The following C12orf42 variants were observed in gnomAD, a reference collection of about 807,000 sequenced individuals.
C12orf42 encodes the protein chromosome 12 open reading frame 42, also known as uncharacterized protein C12orf42.
Under a neutral mutation model 21.6 loss-of-function variants are expected in C12orf42, and 25 were observed. The ratio of observed to expected loss-of-function variants is 1.16; its 90% CI spans 0.84 to 1.62. C12orf42 has a LOEUF of 1.62. C12orf42 is among the 40% of genes most tolerant of loss of function. The pLI is 0.00. For missense variants in C12orf42, 483 were observed against 459.3 expected (o/e 1.05, Z -0.47); for synonymous variants, 174 against 175.0 (o/e 0.99, Z 0.05).
intron 3 of C12orf42, among the ~76,000 whole-genome samples, chr12:103,387,655 T>C (rs976972820): frequency 1.3e-5 from 2 of 152,238 alleles, no homozygotes; most frequent in African/African-American, 2.4e-5. Flanking sequence ...AGAGGCTCCA[T>C]ATATCCTAGC....
At chr12:103,239,154 G>A (rs2033605672) in intron 10 of C12orf42, among the ~76,000 whole-genome samples, 1 of 152,132 alleles carries the variant, frequency 6.6e-6, no homozygotes, top group Non-Finnish European at 1.5e-5. Context: ...TCTTCCTCAT[G>A]GATTTCTTGT....
chr12:103,110,628 A>G, the C12orf42 span, among the ~76,000 whole-genome samples: 1 of 152,212 alleles, frequency 6.6e-6, no homozygotes, highest in African/African-American at 2.4e-5. Flanking sequence ...ATAAAGTTTA[A>G]AAACAACTAC....
intron 1 of C12orf42, among the ~76,000 whole-genome samples, chr12:103,483,808 C>T (rs1055389969): frequency 6.6e-6 from 1 of 152,094 alleles, no homozygotes; most frequent in Non-Finnish European, 1.5e-5. Flanking sequence ...GCTATCCCTC[C>T]CCCAGCCCCC....
intron 5 of C12orf42, among the ~76,000 whole-genome samples, chr12:103,303,679 A>G (rs2037986450): frequency 2.0e-5 from 3 of 152,208 alleles, no homozygotes; most frequent in Admixed American, 2.0e-4. Flanking sequence ...TTCTATGCCT[A>G]GTATGTACTG....
intron 4 of C12orf42, among the ~76,000 whole-genome samples, chr12:103,283,929 T>C (rs1741242738): frequency 6.6e-6 from 1 of 152,218 alleles, no homozygotes; most frequent in South Asian, 2.1e-4. Flanking sequence ...ATGCAATACA[T>C]ATTTTGTTCA....
chr12:103,179,885 C>T, the C12orf42 span, among the ~76,000 whole-genome samples: 1 of 152,058 alleles, frequency 6.6e-6, no homozygotes, highest in East Asian at 1.9e-4. Context: ...AAGGGAGAGG[C>T]TATGATAATT....
chr12:103,337,547 T>A (rs2041807880), intron 4 of C12orf42, among the ~76,000 whole-genome samples: 1 of 151,980 alleles, frequency 6.6e-6, no homozygotes, highest in African/African-American at 2.4e-5. Context: ...AGAGACGGGG[T>A]TTCACAATGT....
chr12:103,121,160 G>A, the C12orf42 span, among the ~76,000 whole-genome samples: 1 of 152,198 alleles, frequency 6.6e-6, no homozygotes, highest in Admixed American at 6.5e-5. Context: ...TTAAAATAAT[G>A]ATAATGGACG....
chr12:103,469,207 A>G (rs1953387773), intron 2 of C12orf42, among the ~76,000 whole-genome samples: 1 of 152,242 alleles, frequency 6.6e-6, no homozygotes, highest in African/African-American at 2.4e-5. Context: ...AGCATTTGTG[A>G]GTGTTAAACT....
At chr12:103,177,467 G>A in the C12orf42 span, among the ~76,000 whole-genome samples, 77 of 152,308 alleles carry the variant, frequency 5.1e-4, no homozygotes, top group African/African-American at 1.8e-3. Context: ...CTAAAGAAAT[G>A]TAAGGGACCC....
chr12:103,461,766 T>C (rs571300800), intron 2 of C12orf42, among the ~76,000 whole-genome samples: 104 of 152,308 alleles, frequency 6.8e-4, no homozygotes, highest in Non-Finnish European at 7.6e-4. Flanking sequence ...AAGTATCCGA[T>C]ACATTGCACT....
At chr12:103,188,307 AG>A in the C12orf42 span, among the ~76,000 whole-genome samples, 5 of 150,268 alleles carry the variant, frequency 3.3e-5, no homozygotes, top group Middle Eastern at 6.8e-3. Flanking sequence ...TTTTTCCATA[AG>A]TTTATTGGGG....
chr12:103,324,514 C>T (rs963456031), intron 4 of C12orf42, among the ~76,000 whole-genome samples: 2 of 152,114 alleles, frequency 1.3e-5, no homozygotes, highest in Non-Finnish European at 2.9e-5. Context: ...GCAGCTGCAA[C>T]ATGAACTGTT....
At chr12:103,238,491 C>T (rs2033563834) in intron 10 of C12orf42, among the ~76,000 whole-genome samples, 2 of 152,186 alleles carry the variant, frequency 1.3e-5, no homozygotes, top group African/African-American at 2.4e-5. Context: ...AAAATGCACA[C>T]TAGAGTTTGG....
the C12orf42 span, among the ~76,000 whole-genome samples, chr12:103,107,463 A>G: frequency 0.023 from 3,453 of 151,950 alleles, 55 homozygotes; most frequent in African/African-American, 0.045. Flanking sequence ...AAATAGAATT[A>G]TAGTTAGAAA....
chr12:103,284,711 C>T (rs541199346), intron 4 of C12orf42, among the ~76,000 whole-genome samples: 1 of 152,314 alleles, frequency 6.6e-6, no homozygotes, highest in Non-Finnish European at 1.5e-5. Flanking sequence ...CTATCCAAGA[C>T]ACACTTCAGA....
downstream of C12orf42, among the ~76,000 whole-genome samples, chr12:103,299,447 A>T (rs1432149940): frequency 6.6e-6 from 1 of 152,018 alleles, no homozygotes; most frequent in Non-Finnish European, 1.5e-5. Context: ...AGTGCACCAA[A>T]TTTTTATATT....
At chr12:103,372,981 C>A (rs2045391861) in intron 3 of C12orf42, among the ~76,000 whole-genome samples, 1 of 152,194 alleles carries the variant, frequency 6.6e-6, no homozygotes, top group South Asian at 2.1e-4. Flanking sequence ...AAGACAAACA[C>A]AGTCCATATC....
chr12:103,146,489 AAAAAAG>A, the C12orf42 span, among the ~76,000 whole-genome samples: 1 of 150,810 alleles, frequency 6.6e-6, no homozygotes, highest in Admixed American at 6.6e-5. Flanking sequence ...CAAAAAAAAA[AAAAAAG>A]AAAGAAAGAG....
Sources: gnomAD v4.1 joint callset for allele counts (sites outside exome capture counted in the v4.1 genomes callset) on GRCh38, gnomAD v4.1.1 for gene constraint, MANE v1.5 for transcripts, NCBI Gene and HGNC (gene_info 2026-07-23, HGNC 2026-07-21) for gene names.